SLC22A25: variants seen among roughly 807,000 people sequenced by gnomAD.
SLC22A25 encodes MGI:2442751, MGI:2385316, MGI:3042283, MGI:3645714, MGI:3605624, MGI:2442750.
Under a neutral mutation model 45.9 loss-of-function variants are expected in SLC22A25, and 44 were observed. The observed-to-expected ratio is 0.96, with a 90% confidence interval of 0.75 to 1.23. The LOEUF (loss-of-function observed/expected upper bound fraction) is 1.23. Ranked by LOEUF, SLC22A25 falls within the 50% of genes most tolerant of loss-of-function variation. The pLI, the probability that SLC22A25 is intolerant of heterozygous loss-of-function variation, is 0.00. For synonymous variants in SLC22A25, 283 were observed against 238.6 expected, an observed-to-expected ratio of 1.19 and a Z score of -1.72; for missense variants, 800 against 666.4, an observed-to-expected ratio of 1.20 and a Z score of -2.21.
intron 7 of SLC22A25, among the ~76,000 whole-genome samples, chr11:63,211,243 T>G (rs2089551341): frequency 6.6e-6 from 1 of 152,060 alleles, no homozygotes; most frequent in Admixed American, 6.6e-5. Flanking sequence ...TAACAAAACA[T>G]CTAAATCAGC....
chr11:63,214,161 T>G (rs1009238418), intron 7 of SLC22A25, among the ~76,000 whole-genome samples: 2 of 152,176 alleles, frequency 1.3e-5, no homozygotes, highest in African/African-American at 4.8e-5. Flanking sequence ...AACCCTCTGG[T>G]GGGTTCTTGC....
At chr11:63,236,045 C>T (rs2090156716) in intron 3 of SLC22A25, among the ~76,000 whole-genome samples, 1 of 152,130 alleles carries the variant, frequency 6.6e-6, no homozygotes, top group African/African-American at 2.4e-5. Flanking sequence ...AGGTGTCAGT[C>T]CACCCCTAAT....
chr11:63,217,224 A>T, intron 7 of SLC22A25, 90 bp downstream of exon 7: 1 of 1,442,988 alleles, frequency 6.9e-7, no homozygotes, highest in Non-Finnish European at 9.4e-7. Context: ...TCAAGGCTAG[A>T]TAGAGGATCA....
At chr11:63,171,538 T>C (rs1378599888) in intron 9 of SLC22A25, among the ~76,000 whole-genome samples, 4 of 152,192 alleles carry the variant, frequency 2.6e-5, no homozygotes, top group African/African-American at 9.7e-5. Context: ...AGCCAAATCA[T>C]GAATGAACTC....
chr11:63,235,903 C>G (rs1276024939), intron 3 of SLC22A25, among the ~76,000 whole-genome samples: 2 of 152,186 alleles, frequency 1.3e-5, no homozygotes, highest in African/African-American at 2.4e-5. Flanking sequence ...TTTACTGGAG[C>G]TCTACCCCAG....
At chr11:63,203,176 A>G (rs1187177242) in intron 7 of SLC22A25, among the ~76,000 whole-genome samples, 1 of 152,188 alleles carries the variant, frequency 6.6e-6, no homozygotes, top group African/African-American at 2.4e-5. Context: ...AAAGACCAGA[A>G]GTAGATAAAT....
chr11:63,196,600 G>C (rs906554769), intron 7 of SLC22A25, among the ~76,000 whole-genome samples: 1 of 152,162 alleles, frequency 6.6e-6, no homozygotes, highest in Non-Finnish European at 1.5e-5. Context: ...TTGATGGGCT[G>C]TATCTCAAAA....
At chr11:63,205,440 A>G (rs1048776270) in intron 7 of SLC22A25, among the ~76,000 whole-genome samples, 6 of 152,184 alleles carry the variant, frequency 3.9e-5, no homozygotes, top group Non-Finnish European at 7.3e-5. Context: ...GAGAAGAATC[A>G]AATTGGCACA....
intron 9 of SLC22A25, among the ~76,000 whole-genome samples, chr11:63,172,355 G>C (rs1282815426): frequency 6.6e-6 from 1 of 152,070 alleles, no homozygotes; most frequent in Non-Finnish European, 1.5e-5. Context: ...AGAGTGAACA[G>C]GCAACCTACA....
At chr11:63,211,853 A>G (rs1233489239) in intron 7 of SLC22A25, among the ~76,000 whole-genome samples, 8 of 152,136 alleles carry the variant, frequency 5.3e-5, no homozygotes, top group Non-Finnish European at 1.0e-4. Context: ...TGCACAGCAA[A>G]AGAAACTACC....
intron 9 of SLC22A25, among the ~76,000 whole-genome samples, chr11:63,171,102 C>G (rs577722015): frequency 6.6e-6 from 1 of 152,018 alleles, no homozygotes; most frequent in African/African-American, 2.4e-5. Context: ...GACCTTCAAT[C>G]AAATTCAACA....
chr11:63,235,771 G>T (rs2090152449), intron 3 of SLC22A25, among the ~76,000 whole-genome samples: 1 of 152,102 alleles, frequency 6.6e-6, no homozygotes, highest in Admixed American at 6.5e-5. Context: ...CATCTTTGTG[G>T]TTTTATCTAC....
At chr11:63,179,695 C>T (rs868312891) in intron 9 of SLC22A25, among the ~76,000 whole-genome samples, 1 of 152,138 alleles carries the variant, frequency 6.6e-6, no homozygotes, top group Non-Finnish European at 1.5e-5. Flanking sequence ...AAACTAATTT[C>T]TTGGGCAGCT....
intron 5 of SLC22A25, among the ~76,000 whole-genome samples, chr11:63,227,476 C>T (rs1205345797): frequency 6.6e-6 from 1 of 152,174 alleles, no homozygotes; most frequent in African/African-American, 2.4e-5. Context: ...GATCATGACT[C>T]TGCCCAGTGC....
At chr11:63,199,131 T>G (rs2089156945) in intron 7 of SLC22A25, among the ~76,000 whole-genome samples, 1 of 151,610 alleles carries the variant, frequency 6.6e-6, no homozygotes, top group African/African-American at 2.4e-5. Flanking sequence ...TTGAAAAAAT[T>G]AATAATATAT....
intron 7 of SLC22A25, among the ~76,000 whole-genome samples, chr11:63,211,058 A>G (rs1014794634): frequency 6.6e-6 from 1 of 151,840 alleles, no homozygotes; most frequent in Non-Finnish European, 1.5e-5. Context: ...AGGCCACTGG[A>G]GCCAGACCTA....
rs1013200581 is a variant in SLC22A25 at position 63,158,862 on chromosome 11, C to CT, written c.*4961dup. 1.3e-5 allele frequency among the ~76,000 whole-genome samples: 2 copies of CT among 152,044 alleles called. No individual in the cohort carries two copies. Among genetic ancestry groups the CT allele is most frequent in the Non-Finnish European group, 2.9e-5 (2 of 67,982 alleles). On this transcript the variant is annotated 3_prime_UTR_variant, in exon 12 of 12. Coordinates refer to ENST00000306494, the MANE Select transcript of SLC22A25 (RefSeq NM_199352.6). The stretch of plus-strand genomic sequence containing the variant: ...GATCTTATTCATTCTTTCCAACTTC[C>CT]TTTTTTCCCCCCATTAACTATTCCC...
At chr11:63,171,480 G>A (rs2087883555) in intron 9 of SLC22A25, among the ~76,000 whole-genome samples, 1 of 152,128 alleles carries the variant, frequency 6.6e-6, no homozygotes, top group Admixed American at 6.5e-5. Flanking sequence ...CAAAATCAAT[G>A]TGCAAAAATC....
chr11:63,180,704 G>A lies in SLC22A25; in HGVS notation c.1026C>T (p.Arg342=), dbSNP rs763455358. The part of the protein sequence containing the change: ...QKKHSLCELL[R]IPNICKRICF... ...AGATTCTTTTACATATGTTGGGTAT[G>A]CGGAGCAATTCACAAAGAGAATGCT... Residue 342 remains arginine, a synonymous_variant, in exon 9 of 12, where the codon CGC becomes CGT. Transcript: ENST00000306494. 1 of 1,613,202 alleles carries A rather than the reference G, an allele frequency of 6.2e-7. No individual in the cohort carries two copies. The highest frequency in any genetic ancestry group is 8.5e-7 in the Non-Finnish European group (1 of 1,179,518).
Sources: gnomAD v4.1 joint callset for allele counts (sites outside exome capture counted in the v4.1 genomes callset) on GRCh38, gnomAD v4.1.1 for gene constraint, MANE v1.5 for transcripts, NCBI Gene and HGNC (gene_info 2026-07-23, HGNC 2026-07-21) for gene names.